Variants in ATP2A2 observed in about 807,000 individuals in gnomAD.
The protein encoded by ATP2A2 is ATPase sarcoplasmic/endoplasmic reticulum Ca2+ transporting 2, also known as sarcoplasmic/endoplasmic reticulum calcium ATPase 2.
In ATP2A2, 14 loss-of-function variants were observed where a neutral mutation model predicts 109.3. The ratio of observed to expected loss-of-function variants is 0.13; its 90% CI spans 0.08 to 0.20. The LOEUF is 0.20. Ranked by LOEUF, ATP2A2 falls within the 10% of genes least tolerant of loss-of-function variation. The pLI is 1.00. For missense variants in ATP2A2, 657 were observed against 1,321.6 expected (o/e 0.50, Z 7.80); for synonymous variants, 506 against 490.9 (o/e 1.03, Z -0.41).
At chr12:110,318,559 C>T (rs1013490133) in intron 5 of ATP2A2, among the ~76,000 whole-genome samples, 7 of 152,136 alleles carry the variant, frequency 4.6e-5, no homozygotes, top group East Asian at 1.9e-4. Flanking sequence ...CTGCAACCTC[C>T]GCCTCCAAGG....
Position 110,332,580 on chromosome 12 carries a change from G to C in ATP2A2, c.1096-17G>C, listed in dbSNP as rs1350130671. Reference sequence around the variant, plus strand: ...AAAAATCCCTTTTAAATACTCTGATGCGCTCTCCCCCTACAGATGTTCATT... The same window carrying C: ...AAAAATCCCTTTTAAATACTCTGATCCGCTCTCCCCCTACAGATGTTCATT... On this transcript the variant is annotated splice_polypyrimidine_tract_variant and intron_variant, in intron 8 of 19. Coordinates refer to ENST00000539276, the MANE Select transcript of ATP2A2 (RefSeq NM_170665.4). 1 of 1,589,048 alleles carries C rather than the reference G, an allele frequency of 6.3e-7. No individual in the cohort carries two copies.
At chr12:110,323,978 A>G (rs2137805844) in intron 6 of ATP2A2, among the ~76,000 whole-genome samples, 1 of 152,352 alleles carries the variant, frequency 6.6e-6, no homozygotes, top group African/African-American at 2.4e-5. Flanking sequence ...ATCCAAATAC[A>G]CAATGAACAA....
chr12:110,282,467 A>G, intron 1 of ATP2A2, 137 bp from the exon 2 acceptor site: 1 of 1,175,418 alleles, frequency 8.5e-7, no homozygotes, highest in African/African-American at 1.5e-5. Context: ...TCTTATAGCT[A>G]GGTCTGTGTT....
rs778174310 is a variant in ATP2A2 at position 110,349,003 on chromosome 12, G to A, written c.*2533G>A. ...TACAAAAAAAGTTGAGTAGTGTGTG[G>A]CCTGCTGTCGCACAGCCCCTAGTTA... On this transcript the variant is annotated 3_prime_UTR_variant, in exon 20 of 20. Coordinates refer to ENST00000539276, the MANE Select transcript of ATP2A2 (RefSeq NM_170665.4). 1.1e-4 allele frequency: 106 copies of A among 985,324 alleles called. No individual in the cohort carries two copies. The highest frequency in any genetic ancestry group is 1.2e-4 in the Non-Finnish European group (101 of 829,978). 61.0% of individuals were successfully genotyped at this position (985,324 alleles called of 1,614,324 possible). A position where few individuals can be genotyped will look rare whatever the true frequency, so the allele number is the denominator to read the frequency against.
At chr12:110,326,595 G>T in intron 7 of ATP2A2, 120 bp downstream of exon 7, 1 of 1,029,128 alleles carries the variant, frequency 9.7e-7, no homozygotes, top group Non-Finnish European at 1.5e-6. Context: ...CACTTTTCAT[G>T]GTCAGTCTTA....
At chr12:110,328,040 T>G (rs1206924149) in intron 8 of ATP2A2, 23 bp downstream of exon 8, 1 of 1,602,136 alleles carries the variant, frequency 6.2e-7, no homozygotes, top group South Asian at 1.1e-5. Flanking sequence ...ATTTAGAATA[T>G]TCCGTGTCGT....
At chr12:110,337,610 T>C (rs1878957092) in intron 11 of ATP2A2, among the ~76,000 whole-genome samples, 1 of 152,236 alleles carries the variant, frequency 6.6e-6, no homozygotes, top group Non-Finnish European at 1.5e-5. Context: ...CAGCCTTCAG[T>C]CCTCCCGTAG....
In ATP2A2 at chr12:110,347,950, A is replaced by G; in HGVS notation, c.*1480A>G. The G allele has an allele frequency of 1.0e-6, 1 of 987,458 alleles. No individual in the cohort carries two copies. Among genetic ancestry groups the G allele is most frequent in the Middle Eastern group, 5.2e-4 (1 of 1,914 alleles). 61.2% of individuals were successfully genotyped at this position (987,458 alleles called of 1,614,324 possible). ...ACCGGGGTTGCCTGTGGCGCCTGCC[A>G]TGTGACTCGGGCGCAGCATCAGCTG... On this transcript the variant is annotated 3_prime_UTR_variant, in exon 20 of 20. Transcript: ENST00000539276.
At chr12:110,308,914 A>G (rs2137759228) in intron 5 of ATP2A2, among the ~76,000 whole-genome samples, 1 of 152,232 alleles carries the variant, frequency 6.6e-6, no homozygotes, top group East Asian at 1.9e-4. Flanking sequence ...AACTAATTCG[A>G]AGCTGAAAAT....
Position 110,339,447 on chromosome 12 carries a change from A to G in ATP2A2, c.1542+44A>G. On this transcript the variant is annotated intron_variant, in intron 12 of 19. Transcript: ENST00000539276. This position sits in a 1 kb window ranked among gnomAD's most constrained non-coding sequence, Gnocchi z 4.4. ...AATTGAGATGTTCTTGCCAGGGTTA[A>G]GATCCCGGTGAACCAATAAAACAAA... 1 of 1,614,240 alleles carries G rather than the reference A, an allele frequency of 6.2e-7. No homozygotes were observed. Among genetic ancestry groups the G allele is most frequent in the Admixed American group, 1.7e-5 (1 of 60,022 alleles).
intron 11 of ATP2A2, among the ~76,000 whole-genome samples, chr12:110,338,098 C>T (rs1296825783): frequency 6.6e-6 from 1 of 152,196 alleles, no homozygotes; most frequent in African/African-American, 2.4e-5. Flanking sequence ...GCCTCTCATT[C>T]GAGGTCTTTG....
chr12:110,323,165 T>A, intron 6 of ATP2A2, 93 bp downstream of exon 6: 1 of 936,300 alleles, frequency 1.1e-6, no homozygotes, highest in Non-Finnish European at 1.8e-6. Context: ...CCCTTTATGG[T>A]ATCCCATCTT....
intron 18 of ATP2A2, 160 bp from the exon 19 acceptor site, chr12:110,345,841 A>G (rs1458834051): frequency 1.3e-6 from 1 of 751,462 alleles, no homozygotes. Context: ...GCATTAGGAC[A>G]TTCTCTTCAA....
At position 110,281,741 on chromosome 12, in the gene ATP2A2, C is replaced by T. The variant is rs1025169247; in HGVS notation, c.-49C>T. On this transcript the variant is annotated 5_prime_UTR_variant, in exon 1 of 20. Transcript: ENST00000539276. ...CCGCGGCCGGAGTGCGAGGCGGAGG[C>T]GAGGAGGCCGCGGGGACGGGAGGCG... 8.0e-6 allele frequency: 11 copies of T among 1,367,094 alleles called. No homozygotes were observed. In the Admixed American group the frequency reaches 2.7e-4, roughly 34 times the overall value. 84.7% of individuals were successfully genotyped at this position (1,367,094 alleles called of 1,614,324 possible). A position where few individuals can be genotyped will look rare whatever the true frequency, so the allele number is the denominator to read the frequency against.
chr12:110,346,856 A>G lies in ATP2A2; in HGVS notation c.*386A>G. The G allele has an allele frequency of 8.9e-7, 1 of 1,124,208 alleles. No individual in the cohort carries two copies. The highest frequency in any genetic ancestry group is 1.1e-6 in the Non-Finnish European group (1 of 913,584). 69.6% of individuals were successfully genotyped at this position (1,124,208 alleles called of 1,614,324 possible). On this transcript the variant is annotated 3_prime_UTR_variant, in exon 20 of 20. Coordinates refer to ENST00000539276, the MANE Select transcript of ATP2A2 (RefSeq NM_170665.4). ...TGTGTGTGGTTTTTTTTCTAAAACT[A>G]AATAGCATGTATTGTGTCTTTTGCA... is the stretch of plus-strand genomic sequence containing the variant.
intron 5 of ATP2A2, among the ~76,000 whole-genome samples, chr12:110,314,522 T>C (rs1435935535): frequency 6.6e-6 from 1 of 152,136 alleles, no homozygotes; most frequent in Non-Finnish European, 1.5e-5. Flanking sequence ...TAGAAATAAC[T>C]AGATAGCCAT....
Position 110,345,348 on chromosome 12 carries a change from C to T in ATP2A2, c.2707C>T (p.Leu903=), listed in dbSNP as rs1286197023. The T allele has an allele frequency of 6.2e-7, 1 of 1,614,088 alleles. No individual in the cohort carries two copies. The highest frequency in any genetic ancestry group is 8.5e-7 in the Non-Finnish European group (1 of 1,180,044). The change falls in exon 18 of 20, where the codon CTA becomes TTA. Residue 903 remains leucine, a synonymous_variant. Transcript: ENST00000539276. ...CCCGATGACAATGGCGCTCTCTGTT[C>T]TAGTAACTATAGAAATGTGTAACGC... The part of the protein sequence containing the change: ...PYPMTMALSV[L]VTIEMCNALN...
At chr12:110,307,899 A>T (rs764829984) in intron 5 of ATP2A2, among the ~76,000 whole-genome samples, 4 of 152,196 alleles carry the variant, frequency 2.6e-5, no homozygotes, top group Admixed American at 1.3e-4. Context: ...TTTGAGGCTT[A>T]GTCATAAATT....
At chr12:110,298,186 T>C (rs1874171559) in intron 5 of ATP2A2, among the ~76,000 whole-genome samples, 1 of 152,180 alleles carries the variant, frequency 6.6e-6, no homozygotes, top group East Asian at 1.9e-4. Context: ...CCTTAACCCA[T>C]GCTCTACAAC....
Sources: allele counts gnomAD v4.1 joint callset (sites outside exome capture counted in the v4.1 genomes callset), GRCh38; gene constraint gnomAD v4.1.1; non-coding constraint Gnocchi (gnomAD v3.1); transcripts MANE v1.5; gene names NCBI Gene and HGNC (gene_info 2026-07-23, HGNC 2026-07-21).